Variants in FAM47E observed in about 807,000 individuals in gnomAD.
The protein encoded by FAM47E is protein FAM47E.
FAM47E carries 32 observed loss-of-function variants against 41.6 expected under a neutral mutation model. The ratio of observed to expected loss-of-function variants is 0.77; its 90% CI spans 0.58 to 1.03. The LOEUF (loss-of-function observed/expected upper bound fraction) is 1.03. FAM47E is among the 50% of genes least tolerant of loss of function. The pLI is 0.00. For missense variants in FAM47E, 424 were observed against 485.4 expected, an observed-to-expected ratio of 0.87 and a Z score of 1.19; for synonymous variants, 184 against 188.7, an observed-to-expected ratio of 0.98 and a Z score of 0.20.
intron 2 of FAM47E, among the ~76,000 whole-genome samples, chr4:76,225,079 A>G (rs1458228591): frequency 6.6e-6 from 1 of 152,124 alleles, no homozygotes; most frequent in Non-Finnish European, 1.5e-5. Context: ...TAGAATAATG[A>G]TCTCCAACTC....
At chr4:76,221,991 G>A (rs1468981715) in intron 2 of FAM47E, among the ~76,000 whole-genome samples, 1 of 152,178 alleles carries the variant, frequency 6.6e-6, no homozygotes, top group Non-Finnish European at 1.5e-5. Context: ...TTAACAATAG[G>A]TGACTACCAT....
intron 2 of FAM47E, 31 bp downstream of exon 2, chr4:76,256,554 T>G (rs925270783): frequency 1.3e-6 from 2 of 1,504,808 alleles, no homozygotes; most frequent in African/African-American, 2.8e-5. Context: ...TGGGAGGGGC[T>G]TCACTGGGGC....
At chr4:76,248,514 C>T (rs1052086649), upstream of FAM47E, among the ~76,000 whole-genome samples, 2 of 152,024 alleles carry the variant, frequency 1.3e-5, no homozygotes, top group Non-Finnish European at 2.9e-5. Flanking sequence ...GGATCTTGTC[C>T]ATCTTGTTCC....
intron 5 of FAM47E, among the ~76,000 whole-genome samples, chr4:76,273,639 CT>C (rs1169398298): frequency 6.6e-6 from 1 of 151,846 alleles, no homozygotes; most frequent in Non-Finnish European, 1.5e-5. Context: ...CTTGTTGAGC[CT>C]TTTGGATTTG....
At chr4:76,253,894 C>T (rs569895458) in intron 1 of FAM47E, among the ~76,000 whole-genome samples, 3 of 152,016 alleles carry the variant, frequency 2.0e-5, no homozygotes, top group Admixed American at 1.3e-4. Flanking sequence ...AGGAGGATCA[C>T]TTGAACCCGA....
chr4:76,218,662 G>A (rs547226575), intron 2 of FAM47E, among the ~76,000 whole-genome samples: 1 of 151,940 alleles, frequency 6.6e-6, no homozygotes, highest in South Asian at 2.1e-4. Context: ...TTTCCTTTTT[G>A]TTCCCCTAAT....
chr4:76,234,179 GAA>G (rs1733542103), intron 2 of FAM47E: 1 of 152,404 alleles, frequency 6.6e-6, no homozygotes, highest in Admixed American at 6.5e-5. Flanking sequence ...AAAAAGGAAA[GAA>G]AAGGCCATGA....
At position 76,256,167 on chromosome 4, in the gene FAM47E, C is replaced by A. The variant is rs752873294; in HGVS notation, c.75-11C>A. The A allele has an allele frequency of 2.6e-6, 4 of 1,548,076 alleles. No individual in the cohort carries two copies. The East Asian group carries it at 9.8e-5, about 38-fold the overall frequency. ...TATTCTAGGTACAAAGAGAATCTAT[C>A]TACCTTCCAGATGTTTCACAAAGCA... On this transcript the variant is annotated splice_polypyrimidine_tract_variant and intron_variant, in intron 1 of 7. Transcript: ENST00000424749.
intron 5 of FAM47E, among the ~76,000 whole-genome samples, chr4:76,276,905 T>C (rs962622763): frequency 1.7e-4 from 26 of 152,284 alleles, no homozygotes; most frequent in Non-Finnish European, 2.9e-5. Context: ...TCCCATCCTC[T>C]CTTTCTTGGA....
rs1560748846 is a variant in FAM47E, at chr4:76,268,671, CGTCT to C, written c.575_578del (p.Ser192CysfsTer42). 1.3e-6 allele frequency: 2 copies of C among 1,550,470 alleles called. No individual in the cohort carries two copies. Among genetic ancestry groups the C allele is most frequent in the South Asian group, 2.4e-5 (2 of 83,748 alleles). On this transcript the variant is annotated frameshift_variant, in exon 4 of 8. Transcript: ENST00000424749. LOFTEE classifies it high-confidence loss of function. The stretch of plus-strand genomic sequence containing the variant: ...GATCTTATCTTTAGTTCCAAGAAGA[CGTCT>C]GTGTCAAACGCAGGCCAATGGCTTT...
chr4:76,251,708 C>A (rs1245295521), upstream of FAM47E: 3 of 1,442,900 alleles, frequency 2.1e-6, no homozygotes, highest in Non-Finnish European at 1.8e-6. Flanking sequence ...GCACACACAC[C>A]GCCCAAGCCC....
In FAM47E at chr4:76,267,026, C is replaced by T. The variant is rs368449376; in HGVS notation, c.561-1634C>T. Among the ~76,000 whole-genome samples the T allele has an allele frequency of 5.6e-4, 86 of 152,258 alleles. 1 individual carries two copies. Among genetic ancestry groups the T allele is most frequent in the African/African-American group, 2.0e-3 (82 of 41,538 alleles). On this transcript the variant is annotated intron_variant, in intron 3 of 7. Coordinates refer to ENST00000424749, the MANE Select transcript of FAM47E (RefSeq NM_001136570.3). ...CTCCCTACCATCACTCTCCATCCCC[C>T]TCCTGTCCTATTTTACTTTCTCTAT...
chr4:76,223,143 A>C (rs1012154613), intron 2 of FAM47E, among the ~76,000 whole-genome samples: 1 of 152,196 alleles, frequency 6.6e-6, no homozygotes, highest in Non-Finnish European at 1.5e-5. Context: ...ATGTTTGTAC[A>C]CCATTCAGTA....
At chr4:76,249,447 T>C (rs932820627), upstream of FAM47E, among the ~76,000 whole-genome samples, 6 of 152,218 alleles carry the variant, frequency 3.9e-5, no homozygotes, top group African/African-American at 1.4e-4. Flanking sequence ...CTTAGGAAAC[T>C]CTACCTCTTG....
upstream of FAM47E, among the ~76,000 whole-genome samples, chr4:76,250,475 T>C (rs1447247232): frequency 6.6e-6 from 1 of 152,164 alleles, no homozygotes; most frequent in Non-Finnish European, 1.5e-5. Context: ...TTGTTGGATA[T>C]ATAGATTGCA....
intron 2 of FAM47E, among the ~76,000 whole-genome samples, chr4:76,232,168 T>C (rs1733504250): frequency 6.6e-6 from 1 of 152,204 alleles, no homozygotes; most frequent in African/African-American, 2.4e-5. Flanking sequence ...TAGTTCAAAA[T>C]AAGTTTCCTT....
In FAM47E at chr4:76,221,349, G is replaced by A. The variant is rs113760979; in HGVS notation, c.81+3661G>A. ...TTTGGCATGGGGGAGATGAAGTTTCGCTCTTGTTGCTCAGGATGGAGTGCA... is the reference window on the plus strand; with the variant it reads ...TTTGGCATGGGGGAGATGAAGTTTCACTCTTGTTGCTCAGGATGGAGTGCA... On this transcript the variant is annotated intron_variant, in intron 2 of 7. Coordinates refer to the FAM47E transcript ENST00000510197. Among the ~76,000 whole-genome samples the A allele has an allele frequency of 1.0e-3, 153 of 152,118 alleles. 1 individual carries two copies. Among genetic ancestry groups the A allele is most frequent in the African/African-American group, 3.5e-3 (144 of 41,476 alleles).
chr4:76,270,540 A>G (rs909633459), intron 4 of FAM47E, among the ~76,000 whole-genome samples: 1 of 152,192 alleles, frequency 6.6e-6, no homozygotes, highest in Non-Finnish European at 1.5e-5. Context: ...CACTATGCCT[A>G]GTATCCAAAC....
chr4:76,236,978 C>T (rs1412864655), intron 2 of FAM47E, among the ~76,000 whole-genome samples: 3 of 150,840 alleles, frequency 2.0e-5, no homozygotes, highest in African/African-American at 4.9e-5. Flanking sequence ...TCACTGCAAG[C>T]TCCGTCTCCC....
Sources: allele counts gnomAD v4.1 joint callset (sites outside exome capture counted in the v4.1 genomes callset), GRCh38; gene constraint gnomAD v4.1.1; transcripts MANE v1.5; gene names NCBI Gene and HGNC (gene_info 2026-07-23, HGNC 2026-07-21).